Variants in TBXAS1 observed in about 807,000 individuals in gnomAD.
TBXAS1 encodes thromboxane-A synthase.
TBXAS1 carries 48 observed loss-of-function variants against 60.7 expected under a neutral mutation model. That is an observed-to-expected ratio of 0.79 (90% CI 0.63 to 1.01). The LOEUF is 1.01. Ranked by LOEUF, TBXAS1 falls within the 50% of genes least tolerant of loss-of-function variation. TBXAS1 has a pLI of 0.00. For missense variants in TBXAS1, 685 were observed against 686.3 expected, an observed-to-expected ratio of 1.00 and a Z score of 0.02; for synonymous variants, 287 against 269.7, an observed-to-expected ratio of 1.06 and a Z score of -0.63.
chr7:139,853,963 A>G (rs887976185), intron 1 of TBXAS1, among the ~76,000 whole-genome samples: 1 of 152,154 alleles, frequency 6.6e-6, no homozygotes, highest in African/African-American at 2.4e-5. Context: ...GGGCTCCTGG[A>G]GGAGGCAACC....
chr7:139,801,470 C>CTTTTTT (rs56097281), intron 4 of TBXAS1, among the ~76,000 whole-genome samples: 1 of 150,246 alleles, frequency 6.7e-6, no homozygotes, highest in African/African-American at 2.4e-5. Context: ...TCTCTTTGTC[C>CTTTTTT]TTTTTTTTTC....
chr7:139,944,193 A>G (rs1200477259), intron 5 of TBXAS1, among the ~76,000 whole-genome samples: 1 of 152,220 alleles, frequency 6.6e-6, no homozygotes, highest in Non-Finnish European at 1.5e-5. Context: ...GGAAGCAGTG[A>G]GTAGCACCGG....
intron 1 of TBXAS1, among the ~76,000 whole-genome samples, chr7:139,868,844 G>T (rs1470040215): frequency 6.6e-6 from 1 of 151,404 alleles, no homozygotes; most frequent in Non-Finnish European, 1.5e-5. Flanking sequence ...GTAGAGATGA[G>T]GTTTTGCCAT....
rs1485240407 is a variant in TBXAS1 at position 139,937,602 on chromosome 7, G to A, written c.450+1295G>A. On this transcript the variant is annotated intron_variant, in intron 5 of 12. Transcript: ENST00000448866. ...ACACAGCTCAGAGTCAGGTACCAAG[G>A]GTTGCCTGTTTAGACTAACACACTG... is the stretch of plus-strand genomic sequence containing the variant. 3.3e-5 allele frequency among the ~76,000 whole-genome samples: 5 copies of A among 152,084 alleles called. 1 individual carries two copies. Among genetic ancestry groups the A allele is most frequent in the Non-Finnish European group, 7.3e-5 (5 of 68,028 alleles).
chr7:139,971,726 T>C (rs915576198), intron 9 of TBXAS1, among the ~76,000 whole-genome samples: 8 of 152,152 alleles, frequency 5.3e-5, no homozygotes, highest in Non-Finnish European at 1.2e-4. Context: ...GCCTCAGCAG[T>C]GGCAACCAGG....
chr7:140,014,908 C>CAAA (rs771922926), intron 10 of TBXAS1, among the ~76,000 whole-genome samples: 1 of 131,280 alleles, frequency 7.6e-6, no homozygotes, highest in African/African-American at 3.1e-5. Context: ...GACCCTGTCT[C>CAAA]AAAAAAAAAG....
chr7:139,979,762 AT>A (rs1188509560), intron 9 of TBXAS1, among the ~76,000 whole-genome samples: 9 of 143,322 alleles, frequency 6.3e-5, no homozygotes, highest in South Asian at 4.4e-4. Flanking sequence ...AATAATAATA[AT>A]AATAAATAAA....
intron 3 of TBXAS1, among the ~76,000 whole-genome samples, chr7:139,882,374 A>G (rs755264751): frequency 6.6e-6 from 1 of 152,212 alleles, no homozygotes; most frequent in Non-Finnish European, 1.5e-5. Flanking sequence ...TTAGACTTAA[A>G]TTGGGCAGCT....
chr7:139,904,979 T>TTTC (rs1804861922), intron 3 of TBXAS1, among the ~76,000 whole-genome samples: 1 of 138,172 alleles, frequency 7.2e-6, no homozygotes, highest in Non-Finnish European at 1.5e-5. Context: ...CTACCTTTCT[T>TTTC]TCTCTTTCTC....
At chr7:139,978,554 A>C (rs1210592537) in intron 9 of TBXAS1, among the ~76,000 whole-genome samples, 5 of 152,086 alleles carry the variant, frequency 3.3e-5, no homozygotes, top group East Asian at 1.9e-4. Flanking sequence ...AATAATAAGA[A>C]TTATCAGTCA....
At chr7:139,787,595 T>G (rs1320948499) in intron 4 of TBXAS1, among the ~76,000 whole-genome samples, 1 of 152,086 alleles carries the variant, frequency 6.6e-6, no homozygotes, top group Admixed American at 6.5e-5. Context: ...TTCCTGAGTT[T>G]GAGGGTTGGG....
intron 7 of TBXAS1, 132 bp from the exon 8 acceptor site, chr7:139,957,502 T>C: frequency 8.8e-7 from 1 of 1,136,476 alleles, no homozygotes; most frequent in African/African-American, 1.5e-5. Flanking sequence ...GAAGCAGCAG[T>C]GCGGCGGGGA....
intron 3 of TBXAS1, among the ~76,000 whole-genome samples, chr7:139,885,294 G>A (rs1803001313): frequency 6.6e-6 from 1 of 152,178 alleles, no homozygotes; most frequent in African/African-American, 2.4e-5. Context: ...TCGATAGAAT[G>A]TCTCAATTAA....
chr7:139,904,993 TTCTCTCTTTCTC>T (rs773804693), intron 3 of TBXAS1, among the ~76,000 whole-genome samples: 11,390 of 121,502 alleles, frequency 0.094, 594 homozygotes, highest in South Asian at 0.15. Context: ...CTTTCTCTCT[TTCTCTCTTTCTC>T]TCTTTCTTTC....
In TBXAS1 at chr7:139,961,944, T is replaced by C; in HGVS notation, c.845T>C (p.Val282Ala). The C allele has an allele frequency of 6.2e-7, 1 of 1,614,266 alleles. No homozygotes were observed. Among genetic ancestry groups the C allele is most frequent in the Non-Finnish European group, 8.5e-7 (1 of 1,180,038 alleles). ...EERRRDFLQM[V>A]LDARHSASPM... Reference sequence around the variant, plus strand: ...AGGCGGAGAGACTTCCTCCAAATGGTCCTGGATGCCCGACATTCTGCAAGT... The same window carrying C: ...AGGCGGAGAGACTTCCTCCAAATGGCCCTGGATGCCCGACATTCTGCAAGT... Residue 282 changes from valine (V) to alanine (A), a missense_variant, in exon 9 of 13, where the codon GTC (valine) becomes GCC (alanine). By Grantham distance (64) the Val-to-Ala change is moderately conservative. Transcript: ENST00000448866.
At chr7:139,928,870 T>C (rs1450132227) in intron 4 of TBXAS1, among the ~76,000 whole-genome samples, 1 of 152,254 alleles carries the variant, frequency 6.6e-6, no homozygotes, top group Admixed American at 6.5e-5. Flanking sequence ...GGGAGTAAGC[T>C]GTTATCTGCA....
rs1459974505 is a variant in TBXAS1 at position 139,951,890 on chromosome 7, G to A, written c.451-1478G>A. Among the ~76,000 whole-genome samples, 20 of 29,120 alleles carry A rather than the reference G, an allele frequency of 6.9e-4. 2 individuals are homozygous for A. Among genetic ancestry groups the A allele is most frequent in the African/African-American group, 1.1e-3 (8 of 7,022 alleles). The allele number at this position is 29,120 out of a possible 152,430, so 19.1% of individuals were successfully genotyped here. ...AGGAAGGAAGGAAGGAAAGAAGGAA[G>A]GAAGGAAGGAAAGAAAGAGAAAGAA... On this transcript the variant is annotated intron_variant, in intron 5 of 12. Coordinates refer to ENST00000448866, the MANE Select transcript of TBXAS1 (RefSeq NM_001061.7).
chr7:139,827,054 C>A (rs1044188338), upstream of TBXAS1, among the ~76,000 whole-genome samples: 6 of 152,264 alleles, frequency 3.9e-5, no homozygotes, highest in African/African-American at 1.4e-4. Context: ...TGAACCCACC[C>A]CCAAAATATA....
chr7:139,988,486 T>C (rs535371042), intron 9 of TBXAS1, among the ~76,000 whole-genome samples: 5 of 152,298 alleles, frequency 3.3e-5, no homozygotes, highest in Non-Finnish European at 7.4e-5. Context: ...TCCCTTTGTG[T>C]TCACCTTGAC....
Sources: allele counts gnomAD v4.1 joint callset (sites outside exome capture counted in the v4.1 genomes callset), GRCh38; gene constraint gnomAD v4.1.1; transcripts MANE v1.5; gene names NCBI Gene and HGNC (gene_info 2026-07-23, HGNC 2026-07-21).